Variants in RFX3 observed in about 807,000 individuals in gnomAD.
RFX3 encodes transcription factor RFX3.
A neutral mutation model predicts 98.6 loss-of-function variants in RFX3; 14 were observed. That is an observed-to-expected ratio of 0.14 (90% CI 0.09 to 0.22). The LOEUF (loss-of-function observed/expected upper bound fraction) is 0.22. Ranked by LOEUF, RFX3 falls within the 10% of genes least tolerant of loss-of-function variation. The pLI is 1.00. For missense variants in RFX3, 639 were observed against 926.9 expected (o/e 0.69, Z 4.03); for synonymous variants, 383 against 328.4 (o/e 1.17, Z -1.80).
chr9:3,229,479 T>C (rs1187604504), intron 15 of RFX3, among the ~76,000 whole-genome samples: 4 of 152,226 alleles, frequency 2.6e-5, no homozygotes, highest in African/African-American at 9.6e-5. Context: ...TCATTACTAA[T>C]GCCAACAAAG....
chr9:3,277,259 T>C, intron 8 of RFX3, 81 bp downstream of exon 8: 1 of 1,439,720 alleles, frequency 6.9e-7, no homozygotes, highest in Non-Finnish European at 9.6e-7. Context: ...CATTGACATC[T>C]ATAATAGACA....
intron 4 of RFX3, among the ~76,000 whole-genome samples, chr9:3,311,371 G>T (rs1563905590): frequency 6.6e-6 from 1 of 152,178 alleles, no homozygotes; most frequent in Non-Finnish European, 1.5e-5. Flanking sequence ...AATTGTGATG[G>T]CTGGCATCAG....
At chr9:3,403,771 C>T (rs1405979378) in intron 1 of RFX3, among the ~76,000 whole-genome samples, 3 of 152,156 alleles carry the variant, frequency 2.0e-5, no homozygotes, top group Admixed American at 6.6e-5. Flanking sequence ...CAAAGATTGG[C>T]TTAAAAGGCA....
intron 1 of RFX3, among the ~76,000 whole-genome samples, chr9:3,449,048 T>C (rs924716213): frequency 1.3e-5 from 2 of 152,168 alleles, no homozygotes; most frequent in Non-Finnish European, 2.9e-5. Context: ...CCCCAATTAG[T>C]TGCTATGTGA....
intron 4 of RFX3, among the ~76,000 whole-genome samples, chr9:3,309,521 C>G (rs1829725271): frequency 6.6e-6 from 1 of 150,402 alleles, no homozygotes; most frequent in African/African-American, 2.5e-5. Context: ...GTCCAAAAAT[C>G]AGCATCAAAA....
At chr9:3,397,573 C>G (rs377589925) in intron 1 of RFX3, among the ~76,000 whole-genome samples, 6 of 152,230 alleles carry the variant, frequency 3.9e-5, no homozygotes, top group African/African-American at 1.4e-4. Flanking sequence ...AACGAGGAAC[C>G]TAAAACCCAG....
chr9:3,454,134 T>C (rs189466064), intron 1 of RFX3, among the ~76,000 whole-genome samples: 3 of 152,200 alleles, frequency 2.0e-5, no homozygotes, highest in African/African-American at 4.8e-5. Context: ...TGTCATTCCT[T>C]TCCTGTCTCA....
intron 14 of RFX3, among the ~76,000 whole-genome samples, chr9:3,248,634 G>A (rs1291129119): frequency 6.6e-6 from 1 of 152,110 alleles, no homozygotes; most frequent in African/African-American, 2.4e-5. Flanking sequence ...ATGCATTTCT[G>A]CCAGACAAAG....
At chr9:3,525,212 T>C (rs981628996) in intron 1 of RFX3, among the ~76,000 whole-genome samples, 1 of 151,704 alleles carries the variant, frequency 6.6e-6, no homozygotes, top group African/African-American at 2.4e-5. Flanking sequence ...ACAAAACCCA[T>C]AACAAGGCCC....
intron 14 of RFX3, among the ~76,000 whole-genome samples, chr9:3,254,799 C>G (rs1349187459): frequency 6.6e-6 from 1 of 152,182 alleles, no homozygotes; most frequent in African/African-American, 2.4e-5. Flanking sequence ...TAACGCATTT[C>G]AAATCCTCCT....
chr9:3,310,222 T>A (rs895506692), intron 4 of RFX3, among the ~76,000 whole-genome samples: 1 of 152,156 alleles, frequency 6.6e-6, no homozygotes, highest in Non-Finnish European at 1.5e-5. Context: ...ATGATTTACA[T>A]GGAACCAAAA....
intron 16 of RFX3, among the ~76,000 whole-genome samples, chr9:3,226,448 G>A (rs1443095837): frequency 6.6e-6 from 1 of 152,178 alleles, no homozygotes; most frequent in African/African-American, 2.4e-5. Flanking sequence ...TGGCTGTACA[G>A]TGTACAGCCA....
At chr9:3,504,871 T>C (rs189661859) in intron 1 of RFX3, among the ~76,000 whole-genome samples, 1 of 75,640 alleles carries the variant, frequency 1.3e-5, no homozygotes, top group Non-Finnish European at 2.0e-5. Flanking sequence ...TAATATATAT[T>C]ATATATATTA....
intron 2 of RFX3, among the ~76,000 whole-genome samples, chr9:3,380,211 G>C (rs1839032494): frequency 6.6e-6 from 1 of 152,154 alleles, no homozygotes; most frequent in Non-Finnish European, 1.5e-5. Context: ...ACAGGCATGA[G>C]CCACTGCACC....
chr9:3,441,266 C>A (rs1333506847), intron 1 of RFX3, among the ~76,000 whole-genome samples: 2 of 151,956 alleles, frequency 1.3e-5, no homozygotes, highest in Non-Finnish European at 2.9e-5. Context: ...AGTATGAACG[C>A]ATATTTAGTT....
At chr9:3,489,343 C>T in intron 1 of RFX3, 5 of 731,882 alleles carry the variant, frequency 6.8e-6, no homozygotes, top group Non-Finnish European at 6.7e-6. Flanking sequence ...ACCTATCCAC[C>T]CCACCCTGAC....
chr9:3,419,115 T>C (rs1462832770), intron 1 of RFX3, among the ~76,000 whole-genome samples: 1 of 152,196 alleles, frequency 6.6e-6, no homozygotes, highest in Non-Finnish European at 1.5e-5. Flanking sequence ...TTCAGCAGTA[T>C]AGCACTGGAA....
chr9:3,446,140 G>C (rs1257992481), intron 1 of RFX3, among the ~76,000 whole-genome samples: 1 of 152,082 alleles, frequency 6.6e-6, no homozygotes, highest in East Asian at 1.9e-4. Flanking sequence ...TGAATGGATA[G>C]ATGATGGGCA....
intron 1 of RFX3, among the ~76,000 whole-genome samples, chr9:3,459,126 C>G (rs1186338173): frequency 6.6e-6 from 1 of 152,106 alleles, no homozygotes; most frequent in Non-Finnish European, 1.5e-5. Flanking sequence ...CATACGCACC[C>G]TATCACTTGA....
Sources: gnomAD v4.1 joint callset for allele counts (sites outside exome capture counted in the v4.1 genomes callset) on GRCh38, gnomAD v4.1.1 for gene constraint, MANE v1.5 for transcripts, NCBI Gene and HGNC (gene_info 2026-07-23, HGNC 2026-07-21) for gene names.